The following EXOC4 variants were observed in gnomAD, a reference collection of about 807,000 sequenced individuals.
EXOC4 encodes exocyst complex component 4, also known as SEC8-like 1.
A neutral mutation model predicts 107.2 loss-of-function variants in EXOC4; 71 were observed. The observed-to-expected ratio is 0.66, with a 90% confidence interval of 0.55 to 0.81. The LOEUF (loss-of-function observed/expected upper bound fraction) is 0.81, where lower values mean the gene tolerates loss of function less well. EXOC4 is among the 30% of genes least tolerant of loss of function. The pLI, the probability that EXOC4 is intolerant of heterozygous loss-of-function variation, is 0.00. For missense variants in EXOC4, 1,108 were observed against 1,189.6 expected (o/e 0.93, Z 1.01); for synonymous variants, 456 against 441.2 (o/e 1.03, Z -0.42).
At chr7:133,709,578 G>C (rs1390629137) in intron 10 of EXOC4, among the ~76,000 whole-genome samples, 1 of 151,666 alleles carries the variant, frequency 6.6e-6, no homozygotes. Context: ...TCTATTCATT[G>C]CCTAAGTGAG....
At chr7:133,382,646 T>C (rs1349256373) in intron 7 of EXOC4, among the ~76,000 whole-genome samples, 2 of 152,128 alleles carry the variant, frequency 1.3e-5, no homozygotes, top group African/African-American at 4.8e-5. Context: ...ATGAAGATGA[T>C]GGGATATTAT....
chr7:133,696,340 A>G (rs1427736637), intron 10 of EXOC4, among the ~76,000 whole-genome samples: 1 of 152,142 alleles, frequency 6.6e-6, no homozygotes, highest in Non-Finnish European at 1.5e-5. Flanking sequence ...CCAGCCAATT[A>G]AGAAAGACTG....
chr7:133,372,148 C>T (rs1796390687), intron 6 of EXOC4, among the ~76,000 whole-genome samples: 1 of 152,126 alleles, frequency 6.6e-6, no homozygotes, highest in Admixed American at 6.6e-5. Flanking sequence ...CAAATATTTT[C>T]TCTCATTTTA....
intron 9 of EXOC4, among the ~76,000 whole-genome samples, chr7:133,523,149 C>T (rs1037376254): frequency 3.4e-4 from 52 of 152,238 alleles, no homozygotes; most frequent in Admixed American, 3.4e-3. Flanking sequence ...CTGCCCCCTT[C>T]TAGGATATTT....
intron 10 of EXOC4, among the ~76,000 whole-genome samples, chr7:133,811,042 A>G (rs998512943): frequency 2.0e-5 from 3 of 152,128 alleles, no homozygotes. Context: ...GCTGATCTGA[A>G]TAAGGGTCCT....
intron 9 of EXOC4, among the ~76,000 whole-genome samples, chr7:133,503,152 A>G (rs952688823): frequency 6.6e-6 from 1 of 152,164 alleles, no homozygotes; most frequent in Admixed American, 6.5e-5. Context: ...TCTTTGGCCC[A>G]GGGTGGGAGA....
chr7:133,528,593 T>C (rs6949984), intron 9 of EXOC4, among the ~76,000 whole-genome samples: 151,640 of 152,222 alleles, frequency 1, 75,536 homozygotes, highest in Middle Eastern at 1. Context: ...ATTCAAATAC[T>C]GAGTGACCAT....
chr7:133,783,333 G>A (rs996945527), intron 10 of EXOC4, among the ~76,000 whole-genome samples: 3 of 152,138 alleles, frequency 2.0e-5, no homozygotes, highest in Non-Finnish European at 4.4e-5. Flanking sequence ...TGGGATCAGG[G>A]GTTGGTTGTT....
chr7:133,647,079 C>G (rs1803011206), intron 10 of EXOC4, among the ~76,000 whole-genome samples: 2 of 152,176 alleles, frequency 1.3e-5, no homozygotes, highest in Admixed American at 6.5e-5. Flanking sequence ...TGCTCACATC[C>G]AGTTTGCCAC....
chr7:133,823,237 A>G (rs781361034), intron 11 of EXOC4, among the ~76,000 whole-genome samples: 10 of 152,158 alleles, frequency 6.6e-5, no homozygotes, highest in Non-Finnish European at 8.8e-5. Context: ...TCCGCCTGCA[A>G]ACACCACACT....
chr7:133,583,672 A>C (rs1311103088), intron 9 of EXOC4, among the ~76,000 whole-genome samples: 1 of 152,206 alleles, frequency 6.6e-6, no homozygotes, highest in African/African-American at 2.4e-5. Context: ...TAGGAGAAAA[A>C]AAAGTGAGAG....
chr7:134,089,836 A>G, the EXOC4 span, among the ~76,000 whole-genome samples: 9 of 152,264 alleles, frequency 5.9e-5, no homozygotes, highest in African/African-American at 1.4e-4. Flanking sequence ...GCTATGGGGT[A>G]TGGCTAATTC....
Position 133,823,866 on chromosome 7 carries a change from TATATATTATA to T in EXOC4, c.1734+6323_1734+6332del, listed in dbSNP as rs1410000798. On this transcript the variant is annotated intron_variant, in intron 11 of 17. Transcript: ENST00000253861. ...TATTATATATATATATATATATATA[TATATATTATA>T]TATATATATATATATATTTTATATA... is the stretch of plus-strand genomic sequence containing the variant. 5.4e-3 allele frequency among the ~76,000 whole-genome samples: 114 copies of T among 21,222 alleles called. 6 individuals are homozygous for T. The highest frequency in any genetic ancestry group is 5.9e-3 in the Admixed American group (10 of 1,706). 13.9% of individuals were successfully genotyped at this position (21,222 alleles called of 152,430 possible). A position where few individuals can be genotyped will look rare whatever the true frequency, so the allele number is the denominator to read the frequency against.
intron 7 of EXOC4, among the ~76,000 whole-genome samples, chr7:133,405,956 C>T (rs184007586): frequency 1.3e-5 from 2 of 152,246 alleles, no homozygotes; most frequent in African/African-American, 2.4e-5. Context: ...CTACTGTGAG[C>T]CAGACACTGT....
At chr7:133,773,546 C>A (rs938346797) in intron 10 of EXOC4, among the ~76,000 whole-genome samples, 2 of 151,588 alleles carry the variant, frequency 1.3e-5, no homozygotes, top group African/African-American at 4.9e-5. Context: ...TTTTAGAGTG[C>A]CTGGCTCTAT....
chr7:134,056,657 T>C (rs1225360050), intron 17 of EXOC4, among the ~76,000 whole-genome samples: 4 of 152,236 alleles, frequency 2.6e-5, no homozygotes, highest in Non-Finnish European at 4.4e-5. Context: ...CCTCCAGCCC[T>C]TTTGTAGAAA....
intron 10 of EXOC4, among the ~76,000 whole-genome samples, chr7:133,655,379 A>G (rs973039542): frequency 6.6e-6 from 1 of 152,130 alleles, no homozygotes; most frequent in Non-Finnish European, 1.5e-5. Flanking sequence ...GAAATATACC[A>G]TACACTGTTA....
chr7:133,788,449 C>T (rs1490661983), intron 10 of EXOC4, among the ~76,000 whole-genome samples: 1 of 151,974 alleles, frequency 6.6e-6, no homozygotes, highest in Non-Finnish European at 1.5e-5. Flanking sequence ...ATGCTTCACC[C>T]TCCTGTTTGC....
chr7:134,094,130 A>G, the EXOC4 span, among the ~76,000 whole-genome samples: 3 of 152,178 alleles, frequency 2.0e-5, no homozygotes, highest in Non-Finnish European at 4.4e-5. Flanking sequence ...CAACAAAACC[A>G]AAAGTTGGTT....
Sources: gnomAD v4.1 joint callset for allele counts (sites outside exome capture counted in the v4.1 genomes callset) on GRCh38, gnomAD v4.1.1 for gene constraint, MANE v1.5 for transcripts, NCBI Gene and HGNC (gene_info 2026-07-23, HGNC 2026-07-21) for gene names.